Variants in PRKG1 observed in about 807,000 individuals in gnomAD.
PRKG1 encodes the protein cGMP-dependent protein kinase 1.
Under a neutral mutation model 88.1 loss-of-function variants are expected in PRKG1, and 35 were observed. The observed-to-expected ratio is 0.40, with a 90% CI of 0.30 to 0.53. The LOEUF (loss-of-function observed/expected upper bound fraction) is 0.53. Among genes scored for constraint, PRKG1 ranks in the 20% least tolerant of loss-of-function variants. The pLI, the probability that PRKG1 is intolerant of heterozygous loss-of-function variation, is 0.59. For synonymous variants in PRKG1, 303 were observed against 292.5 expected, an observed-to-expected ratio of 1.04 and a Z score of -0.37; for missense variants, 540 against 839.8, an observed-to-expected ratio of 0.64 and a Z score of 4.41.
chr10:51,700,623 A>G (rs12264107), intron 3 of PRKG1, among the ~76,000 whole-genome samples: 10,916 of 152,198 alleles, frequency 0.072, 428 homozygotes, highest in East Asian at 0.085. Flanking sequence ...GGAGAGGGCT[A>G]GGTAAATTCC....
chr10:51,641,296 T>C (rs1476627379), intron 3 of PRKG1, among the ~76,000 whole-genome samples: 4 of 152,166 alleles, frequency 2.6e-5, no homozygotes, highest in African/African-American at 9.7e-5. Context: ...TTAATTGTCC[T>C]GAGTCCCTGC....
intron 3 of PRKG1, among the ~76,000 whole-genome samples, chr10:51,678,907 T>C (rs1243983052): frequency 6.6e-6 from 1 of 152,196 alleles, no homozygotes; most frequent in African/African-American, 2.4e-5. Flanking sequence ...TACACTGATG[T>C]CTTTGGGGAC....
intron 4 of PRKG1, among the ~76,000 whole-genome samples, chr10:51,811,836 T>C (rs967780832): frequency 2.6e-5 from 4 of 152,220 alleles, no homozygotes; most frequent in African/African-American, 9.6e-5. Context: ...TTTTTAGTGA[T>C]AGATTTGGAA....
intron 1 of PRKG1, among the ~76,000 whole-genome samples, chr10:51,109,428 C>G (rs1213379709): frequency 2.0e-5 from 3 of 151,996 alleles, no homozygotes; most frequent in Non-Finnish European, 4.4e-5. Flanking sequence ...ACTGCCCCCC[C>G]AACACATATA....
chr10:51,812,879 G>T (rs1448461749), intron 4 of PRKG1, among the ~76,000 whole-genome samples: 1 of 152,018 alleles, frequency 6.6e-6, no homozygotes, highest in Non-Finnish European at 1.5e-5. Context: ...TTGTGTAGTT[G>T]TAAGAGGATC....
At chr10:52,140,767 T>C (rs1369510270) in intron 8 of PRKG1, among the ~76,000 whole-genome samples, 1 of 151,938 alleles carries the variant, frequency 6.6e-6, no homozygotes, top group African/African-American at 2.4e-5. Flanking sequence ...CAGGCACCAC[T>C]CTAAGATCAC....
intron 4 of PRKG1, among the ~76,000 whole-genome samples, chr10:51,860,841 A>G (rs1276239148): frequency 6.6e-6 from 1 of 152,234 alleles, no homozygotes; most frequent in Admixed American, 6.5e-5. Flanking sequence ...AAAGCATATA[A>G]GAAAAGGCTT....
chr10:51,799,724 C>G (rs1839117302), intron 3 of PRKG1, among the ~76,000 whole-genome samples: 1 of 151,968 alleles, frequency 6.6e-6, no homozygotes, highest in African/African-American at 2.4e-5. Flanking sequence ...GGGACACAGA[C>G]CAGCTAAGTA....
At position 51,172,636 on chromosome 10, in the gene PRKG1, GTATGTATGTATGTATC is replaced by G. The variant is rs1426706482; in HGVS notation, c.478+19310_478+19325del. 8.6e-3 allele frequency among the ~76,000 whole-genome samples: 651 copies of G among 76,048 alleles called. 2 individuals are homozygous for G. Among genetic ancestry groups the G allele is most frequent in the East Asian group, 0.016 (45 of 2,802 alleles). 49.9% of individuals were successfully genotyped at this position (76,048 alleles called of 152,430 possible). ...TGTATGTATGTATGTATGTATGTAT[GTATGTATGTATGTATC>G]TATCTATCTATCTATCTATCTATCT... On this transcript the variant is annotated intron_variant, in intron 2 of 17. Coordinates refer to ENST00000373980, the MANE Select transcript of PRKG1 (RefSeq NM_006258.4).
intron 5 of PRKG1, among the ~76,000 whole-genome samples, chr10:51,982,663 G>A (rs930894507): frequency 9.9e-5 from 15 of 152,146 alleles, no homozygotes; most frequent in African/African-American, 3.6e-4. Flanking sequence ...CTGTCTCCTT[G>A]AGATTAGGAA....
intron 3 of PRKG1, among the ~76,000 whole-genome samples, chr10:51,727,217 GATAC>G (rs1400873180): frequency 2.0e-5 from 3 of 151,134 alleles, no homozygotes; most frequent in Non-Finnish European, 4.4e-5. Flanking sequence ...GAGACGGGAG[GATAC>G]CTGGAGTCCA....
Position 51,126,063 on chromosome 10 carries a change from A to G in PRKG1, c.312-27101A>G, listed in dbSNP as rs868089607. On this transcript the variant is annotated intron_variant, in intron 1 of 17. Coordinates refer to ENST00000373980, the MANE Select transcript of PRKG1 (RefSeq NM_006258.4). Reference sequence around the variant, plus strand: ...AATATACTATATATAATTATATATAATATACTACATATAATTATATAATTA... The same window carrying G: ...AATATACTATATATAATTATATATAGTATACTACATATAATTATATAATTA... Among the ~76,000 whole-genome samples the G allele has an allele frequency of 8.0e-4, 97 of 121,576 alleles. 1 individual carries two copies. The highest frequency in any genetic ancestry group is 3.0e-3 in the African/African-American group (91 of 30,002). 79.8% of individuals were successfully genotyped at this position (121,576 alleles called of 152,430 possible).
chr10:51,950,699 A>G (rs1589449573), intron 5 of PRKG1, among the ~76,000 whole-genome samples: 1 of 152,376 alleles, frequency 6.6e-6, no homozygotes, highest in East Asian at 1.9e-4. Flanking sequence ...ATCCATGGAC[A>G]GCTGCACGTC....
intron 7 of PRKG1, among the ~76,000 whole-genome samples, chr10:52,082,843 C>G (rs1029314821): frequency 6.6e-6 from 1 of 151,940 alleles, no homozygotes; most frequent in African/African-American, 2.4e-5. Flanking sequence ...TAACCAATTT[C>G]AGTAGGTTTG....
At chr10:51,702,342 A>G (rs1360306298) in intron 3 of PRKG1, among the ~76,000 whole-genome samples, 1 of 152,208 alleles carries the variant, frequency 6.6e-6, no homozygotes, top group African/African-American at 2.4e-5. Context: ...CCATGCCCAG[A>G]ACACATGAAC....
intron 6 of PRKG1, among the ~76,000 whole-genome samples, chr10:52,057,966 T>C (rs1846149096): frequency 6.6e-6 from 1 of 151,944 alleles, no homozygotes; most frequent in Admixed American, 6.6e-5. Context: ...CCAAATACTA[T>C]AGTAAGTTAA....
intron 1 of PRKG1, among the ~76,000 whole-genome samples, chr10:51,043,772 G>A (rs1843454554): frequency 6.6e-6 from 1 of 152,158 alleles, no homozygotes; most frequent in Non-Finnish European, 1.5e-5. Flanking sequence ...AAATATTTTG[G>A]TGTATGAGTG....
intron 3 of PRKG1, among the ~76,000 whole-genome samples, chr10:51,579,119 C>A (rs1184849851): frequency 6.6e-6 from 1 of 150,472 alleles, no homozygotes; most frequent in East Asian, 2.0e-4. Flanking sequence ...GTAGCTGGGA[C>A]TACAGGTGCG....
intron 4 of PRKG1, among the ~76,000 whole-genome samples, chr10:51,864,975 G>T (rs1840977686): frequency 2.0e-5 from 3 of 152,112 alleles, no homozygotes; most frequent in South Asian, 2.1e-4. Flanking sequence ...TAATTGTCTT[G>T]GGCCAGGATA....
Sources: allele counts gnomAD v4.1 joint callset (sites outside exome capture counted in the v4.1 genomes callset), GRCh38; gene constraint gnomAD v4.1.1; transcripts MANE v1.5; gene names NCBI Gene and HGNC (gene_info 2026-07-23, HGNC 2026-07-21).